The following ZFHX3 variants were observed in gnomAD, a reference collection of about 807,000 sequenced individuals.
ZFHX3 encodes zinc finger homeobox protein 3.
Under a neutral mutation model 279.1 loss-of-function variants are expected in ZFHX3, and 42 were observed. That is an observed-to-expected ratio of 0.15 (90% CI 0.12 to 0.19). The LOEUF is 0.19. ZFHX3 is among the 10% of genes least tolerant of loss of function. The pLI is 1.00. For missense variants in ZFHX3, 4,981 were observed against 4,754.0 expected (o/e 1.05, Z -1.40); for synonymous variants, 2,293 against 1,957.8 (o/e 1.17, Z -4.52).
chr16:73,171,009 G>A (rs1967508855), intron 5 of ZFHX3, among the ~76,000 whole-genome samples: 1 of 152,160 alleles, frequency 6.6e-6, no homozygotes. Flanking sequence ...CCAGAATGCG[G>A]TGGAACCTGT....
chr16:73,009,030 C>T (rs719354), intron 1 of ZFHX3, among the ~76,000 whole-genome samples: 33,030 of 151,880 alleles, frequency 0.22, 4,285 homozygotes, highest in East Asian at 0.63. Flanking sequence ...TGAGGCAGTA[C>T]AGTAGCCAGT....
At chr16:73,338,874 A>G (rs983702104) in intron 3 of ZFHX3, among the ~76,000 whole-genome samples, 2 of 152,134 alleles carry the variant, frequency 1.3e-5, no homozygotes, top group African/African-American at 2.4e-5. Flanking sequence ...TGTCCTCGCC[A>G]TAGTGGATGA....
At chr16:73,141,416 G>A (rs79388221) in intron 6 of ZFHX3, among the ~76,000 whole-genome samples, 1 of 148,396 alleles carries the variant, frequency 6.7e-6, no homozygotes, top group Admixed American at 6.7e-5. Flanking sequence ...TTTTTTTTCA[G>A]AGACGGGGTT....
In ZFHX3 at chr16:73,301,098, G is replaced by C. The variant is rs74030044; in HGVS notation, c.-1194+17142C>G. ...TGAAGGGACCAGCTATCTTTTTCCA[G>C]AAGTCTCAAATCTGGTTGTGTATCA... On this transcript the variant is annotated intron_variant, in intron 4 of 17. Coordinates refer to the ZFHX3 transcript ENST00000641206. 5.9e-3 allele frequency among the ~76,000 whole-genome samples: 899 copies of C among 152,304 alleles called. 10 individuals are homozygous for C. The highest frequency in any genetic ancestry group is 0.02 in the African/African-American group (842 of 41,554).
chr16:73,888,815 G>A (rs1414812764), intron 1 of ZFHX3, among the ~76,000 whole-genome samples: 2 of 152,024 alleles, frequency 1.3e-5, no homozygotes, highest in African/African-American at 4.8e-5. Context: ...GGTCCACCTT[G>A]GAGGTCTAGT....
intron 3 of ZFHX3, among the ~76,000 whole-genome samples, chr16:73,368,886 G>A (rs926301779): frequency 4.6e-5 from 7 of 152,122 alleles, no homozygotes; most frequent in East Asian, 1.9e-4. Flanking sequence ...ATTCAGAGAC[G>A]TCAAGTAACT....
chr16:72,835,344 T>C (rs1597291178), intron 4 of ZFHX3, among the ~76,000 whole-genome samples: 2 of 152,046 alleles, frequency 1.3e-5, no homozygotes, highest in East Asian at 3.9e-4. Context: ...AATGGAAATA[T>C]CAGGCCTGTT....
chr16:73,668,268 T>G (rs2199898), intron 2 of ZFHX3, among the ~76,000 whole-genome samples: 133,362 of 152,118 alleles, frequency 0.88, 58,617 homozygotes, highest in East Asian at 0.98. Context: ...ACCTAGACAG[T>G]AAATGCACAT....
intron 2 of ZFHX3, among the ~76,000 whole-genome samples, chr16:73,535,069 G>A (rs1395692728): frequency 6.6e-6 from 1 of 152,074 alleles, no homozygotes; most frequent in African/African-American, 2.4e-5. Flanking sequence ...TTGATTTGTA[G>A]TGTTAGCCGA....
intron 4 of ZFHX3, among the ~76,000 whole-genome samples, chr16:72,863,287 G>C (rs1156581114): frequency 7.1e-6 from 1 of 139,894 alleles, no homozygotes; most frequent in Admixed American, 7.6e-5. Flanking sequence ...AGGATTGCTT[G>C]AGCTCAGGAA....
intron 1 of ZFHX3, among the ~76,000 whole-genome samples, chr16:73,024,776 A>G (rs1005617327): frequency 6.6e-6 from 1 of 152,178 alleles, no homozygotes; most frequent in African/African-American, 2.4e-5. Flanking sequence ...ACAGTCAATC[A>G]AGCAGCCAGA....
At chr16:73,010,945 C>T (rs1038255731) in intron 1 of ZFHX3, among the ~76,000 whole-genome samples, 1 of 152,108 alleles carries the variant, frequency 6.6e-6, no homozygotes, top group African/African-American at 2.4e-5. Context: ...GCTAGGACTA[C>T]AGGTGTGCAC....
At chr16:73,002,358 C>A (rs1963528556) in intron 1 of ZFHX3, among the ~76,000 whole-genome samples, 3 of 152,106 alleles carry the variant, frequency 2.0e-5, no homozygotes, top group Non-Finnish European at 4.4e-5. Context: ...TTCTCCTATA[C>A]CTGCCCCCTA....
At chr16:72,878,186 G>T (rs555622558) in intron 4 of ZFHX3, among the ~76,000 whole-genome samples, 1 of 151,836 alleles carries the variant, frequency 6.6e-6, no homozygotes, top group Non-Finnish European at 1.5e-5. Flanking sequence ...TACAAAAAAA[G>T]AAAACAAAAA....
intron 3 of ZFHX3, among the ~76,000 whole-genome samples, chr16:73,340,702 C>T (rs910350929): frequency 2.6e-5 from 4 of 152,084 alleles, no homozygotes; most frequent in African/African-American, 7.2e-5. Context: ...GGTGCTAGGA[C>T]GACTGGCTAG....
intron 1 of ZFHX3, among the ~76,000 whole-genome samples, chr16:73,811,261 C>G (rs1040319489): frequency 2.0e-5 from 3 of 152,162 alleles, no homozygotes; most frequent in Non-Finnish European, 2.9e-5. Context: ...GAATTAGAGC[C>G]CTCCATTTCA....
chr16:72,948,078 A>T (rs748891725), intron 3 of ZFHX3, among the ~76,000 whole-genome samples: 2 of 152,190 alleles, frequency 1.3e-5, no homozygotes, highest in Non-Finnish European at 2.9e-5. Flanking sequence ...GAGGGCGAGC[A>T]CTGGAATGAC....
intron 3 of ZFHX3, among the ~76,000 whole-genome samples, chr16:72,928,387 T>C (rs550645831): frequency 6.6e-6 from 1 of 152,102 alleles, no homozygotes; most frequent in African/African-American, 2.4e-5. Flanking sequence ...TTGCTGTCCA[T>C]GCATCCAGGA....
At chr16:73,426,324 A>C (rs1045051644) in intron 3 of ZFHX3, among the ~76,000 whole-genome samples, 1 of 152,212 alleles carries the variant, frequency 6.6e-6, no homozygotes, top group Non-Finnish European at 1.5e-5. Flanking sequence ...AGAGACAAAA[A>C]GGAGGTGACA....
Sources: gnomAD v4.1 joint callset for allele counts (sites outside exome capture counted in the v4.1 genomes callset) on GRCh38, gnomAD v4.1.1 for gene constraint, MANE v1.5 for transcripts, NCBI Gene and HGNC (gene_info 2026-07-23, HGNC 2026-07-21) for gene names.